FBXO42: variants seen among roughly 807,000 people sequenced by gnomAD.
FBXO42 encodes F-box protein 42, also known as F-box only protein 42.
A neutral mutation model predicts 71.7 loss-of-function variants in FBXO42; 12 were observed. The observed-to-expected ratio is 0.17, with a 90% CI of 0.11 to 0.27. FBXO42 has a LOEUF of 0.27. FBXO42 is among the 10% of genes least tolerant of loss of function. The probability of loss-of-function intolerance (pLI) is 1.00; values close to 1 mark genes in which losing one functional copy is unlikely to be tolerated. For synonymous variants in FBXO42, 325 were observed against 327.5 expected (o/e 0.99, Z 0.08); for missense variants, 707 against 911.9 (o/e 0.78, Z 2.89).
In FBXO42 at chr1:16,250,116, G is replaced by C. The variant is rs556195951; in HGVS notation, c.*554C>G. On this transcript the variant is annotated 3_prime_UTR_variant, in exon 10 of 10. Transcript: ENST00000375592. This position sits in a 1 kb window ranked among gnomAD's most constrained non-coding sequence, Gnocchi z 4.7. The stretch of plus-strand genomic sequence containing the variant: ...TTCCTCAGCCATAAAAGGCAAGAGG[G>C]GGCCAGGCACTGGCATTTCTGCAGA... The C allele has an allele frequency of 6.6e-6, 1 of 152,298 alleles. No individual in the cohort carries two copies. Among genetic ancestry groups the C allele is most frequent in the Admixed American group, 6.5e-5 (1 of 15,306 alleles). The allele number at this position is 152,298 out of a possible 1,614,324, so 9.4% of individuals were successfully genotyped here.
chr1:16,334,819 CA>C (rs572000809), intron 1 of FBXO42, among the ~76,000 whole-genome samples: 188 of 152,102 alleles, frequency 1.2e-3, no homozygotes, highest in Middle Eastern at 6.8e-3. Context: ...AACAGGTATG[CA>C]AAAACATTCA....
chr1:16,310,890 CT>C (rs1341296860), intron 2 of FBXO42, among the ~76,000 whole-genome samples: 1 of 151,642 alleles, frequency 6.6e-6, no homozygotes, highest in African/African-American at 2.4e-5. Context: ...CAGGAAATTG[CT>C]TGAACCCAGA....
At chr1:16,349,662 A>T (rs1025508344) in intron 1 of FBXO42, among the ~76,000 whole-genome samples, 1 of 152,200 alleles carries the variant, frequency 6.6e-6, no homozygotes, top group African/African-American at 2.4e-5. Flanking sequence ...GGAGTTCAAG[A>T]CCAGCCTGGC....
At chr1:16,326,557 A>G (rs1230845291) in intron 1 of FBXO42, among the ~76,000 whole-genome samples, 1 of 151,336 alleles carries the variant, frequency 6.6e-6, no homozygotes, top group Non-Finnish European at 1.5e-5. Context: ...GGTGGTGCAC[A>G]CTTGTAGTCT....
At chr1:16,351,855 C>T (rs987620938) in intron 1 of FBXO42, among the ~76,000 whole-genome samples, 18 of 152,144 alleles carry the variant, frequency 1.2e-4, no homozygotes, top group African/African-American at 4.3e-4. Flanking sequence ...AGCCCCCAGC[C>T]GCAGCCCCAA....
intron 4 of FBXO42, among the ~76,000 whole-genome samples, chr1:16,270,674 C>CAAAA (rs34861558): frequency 0.17 from 2,582 of 14,864 alleles, 513 homozygotes; most frequent in Non-Finnish European, 0.22. Flanking sequence ...CTCTGTCTCT[C>CAAAA]AAAAAAAAAA....
Position 16,315,366 on chromosome 1 carries a change from T to G in FBXO42, c.53A>C (p.Glu18Ala). Residue 18 changes from glutamate (E) to alanine (A), a missense_variant, in exon 2 of 10, where the codon GAA becomes GCA. By Grantham distance (107) the Glu-to-Ala change is moderately radical. Around this residue, in one of 5 missense-constraint regions of FBXO42, gnomAD observed 188 missense variants for 230.5 expected, o/e 0.82. Coordinates refer to ENST00000375592, the MANE Select transcript of FBXO42 (RefSeq NM_018994.3). ...CATTGTCCCTTCCAGCACAGTTTCT[T>G]CCTGGTCCACAGCCATGAAACTGTC... The part of the protein sequence containing the change: ...EDDSFMAVDQ[E>A]ETVLEGTMDQ... 1 of 1,614,168 alleles carries G rather than the reference T, an allele frequency of 6.2e-7. No homozygotes were observed. Among genetic ancestry groups the G allele is most frequent in the Non-Finnish European group, 8.5e-7 (1 of 1,180,024 alleles).
At chr1:16,282,526 A>AT (rs1324308774) in intron 4 of FBXO42, among the ~76,000 whole-genome samples, 7 of 104,506 alleles carry the variant, frequency 6.7e-5, no homozygotes, top group African/African-American at 2.1e-4. Context: ...GTGCCCGGCC[A>AT]TTTTCTCTTT....
intron 1 of FBXO42, among the ~76,000 whole-genome samples, chr1:16,347,797 G>A (rs1021314002): frequency 6.6e-6 from 1 of 152,098 alleles, no homozygotes; most frequent in Non-Finnish European, 1.5e-5. Flanking sequence ...AGACAATCCT[G>A]GCTAACACAG....
chr1:16,328,596 T>C (rs1348869174), intron 1 of FBXO42, among the ~76,000 whole-genome samples: 1 of 152,156 alleles, frequency 6.6e-6, no homozygotes, highest in Non-Finnish European at 1.5e-5. Flanking sequence ...TACATATAAA[T>C]ATTTACAATT....
intron 1 of FBXO42, among the ~76,000 whole-genome samples, chr1:16,335,371 C>T (rs2082543356): frequency 6.6e-6 from 1 of 152,136 alleles, no homozygotes; most frequent in Non-Finnish European, 1.5e-5. Flanking sequence ...CTCCTGGGTT[C>T]AAGTGATCCT....
chr1:16,324,606 C>T (rs576727867), intron 1 of FBXO42, among the ~76,000 whole-genome samples: 2 of 152,110 alleles, frequency 1.3e-5, no homozygotes, highest in South Asian at 2.1e-4. Context: ...AAACTTGAGT[C>T]CAGGAATTTG....
intron 4 of FBXO42, among the ~76,000 whole-genome samples, chr1:16,261,780 T>C (rs952350158): frequency 1.3e-5 from 2 of 152,062 alleles, no homozygotes; most frequent in African/African-American, 2.4e-5. Context: ...CTCGGCTCAC[T>C]GCAAGCTCCA....
In FBXO42 at chr1:16,278,648, G is replaced by T. The variant is rs185312582; in HGVS notation, c.502+16135C>A. 1.1e-4 allele frequency among the ~76,000 whole-genome samples: 17 copies of T among 152,182 alleles called. No individual in the cohort carries two copies. The East Asian group carries it at 3.3e-3, about 29-fold the overall frequency. On this transcript the variant is annotated intron_variant, in intron 4 of 9. Transcript: ENST00000375592. ...AACCTAAGATTAAGCTTTTCCACTA[G>T]ACACATGACAGTAAGCTTCATTAAC...
At chr1:16,266,109 T>G (rs1164827016) in intron 4 of FBXO42, among the ~76,000 whole-genome samples, 1 of 152,154 alleles carries the variant, frequency 6.6e-6, no homozygotes, top group Non-Finnish European at 1.5e-5. Flanking sequence ...GATAGAACTT[T>G]TGAAAGAAAA....
chr1:16,291,642 G>A (rs190579269), intron 4 of FBXO42, among the ~76,000 whole-genome samples: 12 of 151,326 alleles, frequency 7.9e-5, no homozygotes, highest in African/African-American at 1.9e-4. Flanking sequence ...TCAGCCTCTC[G>A]AAGTGCCAGG....
intron 4 of FBXO42, chr1:16,292,876 G>C (rs191876041): frequency 6.6e-6 from 1 of 152,298 alleles, no homozygotes; most frequent in East Asian, 1.9e-4. Context: ...CTTAAGCTGA[G>C]AAGATCTTCT....
intron 1 of FBXO42, among the ~76,000 whole-genome samples, chr1:16,329,302 G>A (rs890620702): frequency 2.0e-5 from 3 of 152,050 alleles, no homozygotes; most frequent in Admixed American, 2.0e-4. Flanking sequence ...CCCAAGTACA[G>A]GCCAGGTGCT....
intron 1 of FBXO42, among the ~76,000 whole-genome samples, chr1:16,332,352 A>T (rs1005482740): frequency 6.6e-6 from 1 of 152,170 alleles, no homozygotes; most frequent in Non-Finnish European, 1.5e-5. Flanking sequence ...CTATAGTTGA[A>T]TGAAGGAAGA....
Sources: gnomAD v4.1 joint callset for allele counts (sites outside exome capture counted in the v4.1 genomes callset) on GRCh38, gnomAD v4.1.1 for gene constraint, gnomAD v4.1.1 regional missense constraint, Gnocchi (gnomAD v3.1) non-coding constraint, MANE v1.5 for transcripts, NCBI Gene and HGNC (gene_info 2026-07-23, HGNC 2026-07-21) for gene names.